The following RASAL2 variants were observed in gnomAD, a reference collection of about 807,000 sequenced individuals.
The protein encoded by RASAL2 is RAS protein activator like 2.
RASAL2 carries 58 observed loss-of-function variants against 128.9 expected under a neutral mutation model. That is an observed-to-expected ratio of 0.45 (90% CI 0.36 to 0.56). The LOEUF is 0.56. Ranked by LOEUF, RASAL2 falls within the 20% of genes least tolerant of loss-of-function variation. The pLI is 0.00. For synonymous variants in RASAL2, 561 were observed against 580.8 expected, an observed-to-expected ratio of 0.97 and a Z score of 0.49; for missense variants, 1,360 against 1,601.6, an observed-to-expected ratio of 0.85 and a Z score of 2.57.
In RASAL2 at chr1:178,217,673, G is replaced by A. The variant is rs540422658; in HGVS notation, c.203-65891G>A. 9.2e-5 allele frequency among the ~76,000 whole-genome samples: 14 copies of A among 152,170 alleles called. No individual in the cohort carries two copies. The East Asian group carries it at 1.4e-3, about 15-fold the overall frequency. On this transcript the variant is annotated intron_variant, in intron 1 of 17. Transcript: ENST00000367649. Reference sequence around the variant, plus strand: ...TACCTGAATTTAAAATTTTTTTATTGCTAAAAACTGCTAATGATCATCTGA... The same window carrying A: ...TACCTGAATTTAAAATTTTTTTATTACTAAAAACTGCTAATGATCATCTGA...
intron 5 of RASAL2, among the ~76,000 whole-genome samples, chr1:178,436,258 A>G (rs575910487): frequency 6.6e-6 from 1 of 152,182 alleles, no homozygotes; most frequent in African/African-American, 2.4e-5. Context: ...TTATTTATTC[A>G]ATAATAATGT....
At chr1:178,174,824 C>G (rs558515735) in intron 1 of RASAL2, among the ~76,000 whole-genome samples, 18 of 152,292 alleles carry the variant, frequency 1.2e-4, no homozygotes, top group African/African-American at 4.1e-4. Flanking sequence ...CTAAATTCAG[C>G]TCTTTCCTGA....
chr1:178,125,611 G>A (rs1343658067), intron 1 of RASAL2: 1 of 152,088 alleles, frequency 6.6e-6, no homozygotes, highest in Non-Finnish European at 1.5e-5. Flanking sequence ...TCTGATAATC[G>A]ATGTGATATT....
chr1:178,228,807 G>GTGA (rs1328771410), intron 1 of RASAL2, among the ~76,000 whole-genome samples: 1 of 151,952 alleles, frequency 6.6e-6, no homozygotes, highest in Non-Finnish European at 1.5e-5. Context: ...TCTTAATAGG[G>GTGA]TGATCTTGAT....
At chr1:178,144,639 G>T (rs529845418) in intron 1 of RASAL2, among the ~76,000 whole-genome samples, 1 of 152,114 alleles carries the variant, frequency 6.6e-6, no homozygotes, top group African/African-American at 2.4e-5. Flanking sequence ...TGGGAATGGG[G>T]TAAAAGAATT....
intron 4 of RASAL2, chr1:178,411,715 A>G (rs1447822058): frequency 3.7e-6 from 3 of 809,720 alleles, no homozygotes; most frequent in Admixed American, 1.7e-5. Context: ...CAAAGAAACC[A>G]TCTGCCGTGT....
intron 4 of RASAL2, among the ~76,000 whole-genome samples, chr1:178,417,765 A>T (rs1208857631): frequency 6.7e-6 from 1 of 149,338 alleles, no homozygotes; most frequent in Non-Finnish European, 1.5e-5. Flanking sequence ...GTCTAAAAAA[A>T]AAAAAAAAAA....
At chr1:178,403,666 C>T (rs573815471) in intron 4 of RASAL2, among the ~76,000 whole-genome samples, 2 of 151,940 alleles carry the variant, frequency 1.3e-5, no homozygotes, top group Admixed American at 6.6e-5. Context: ...ATACCTTACA[C>T]AAGAGTAAAC....
intron 4 of RASAL2, among the ~76,000 whole-genome samples, chr1:178,413,943 A>G (rs1359140464): frequency 6.6e-6 from 1 of 152,140 alleles, no homozygotes. Flanking sequence ...AGGACACCTC[A>G]GTAGAAAGTG....
chr1:178,411,770 C>T, intron 4 of RASAL2: 1 of 788,272 alleles, frequency 1.3e-6, no homozygotes. Context: ...GAATCCTCGC[C>T]ATGTGCTGCT....
chr1:178,402,543 A>G (rs940119760), intron 4 of RASAL2, among the ~76,000 whole-genome samples: 4 of 152,222 alleles, frequency 2.6e-5, no homozygotes, highest in Admixed American at 6.5e-5. Context: ...AAGTAATAAA[A>G]TAAGTCTAAT....
chr1:178,355,746 C>A (rs910208205), intron 3 of RASAL2, among the ~76,000 whole-genome samples: 2 of 152,150 alleles, frequency 1.3e-5, no homozygotes, highest in African/African-American at 4.8e-5. Flanking sequence ...AGCATCCCGA[C>A]AAATTGAGAA....
chr1:178,365,243 T>A (rs1479162684), intron 3 of RASAL2, among the ~76,000 whole-genome samples: 1 of 152,178 alleles, frequency 6.6e-6, no homozygotes, highest in Non-Finnish European at 1.5e-5. Context: ...CATCTTAGTT[T>A]CATTAGTTTC....
chr1:178,363,878 C>T (rs1244694856), intron 3 of RASAL2, among the ~76,000 whole-genome samples: 2 of 151,984 alleles, frequency 1.3e-5, no homozygotes, highest in African/African-American at 4.8e-5. Flanking sequence ...GGGCGGATCA[C>T]GAGGTCAGGA....
chr1:178,291,844 G>C (rs1667292166), intron 2 of RASAL2, among the ~76,000 whole-genome samples: 1 of 152,060 alleles, frequency 6.6e-6, no homozygotes, highest in Non-Finnish European at 1.5e-5. Flanking sequence ...AGACCAGCCT[G>C]ACCAATATGG....
In RASAL2 at chr1:178,094,175, C is replaced by G. The variant is rs1208611910; in HGVS notation, c.-318C>G. 5.4e-6 allele frequency: 2 copies of G among 371,928 alleles called. No homozygotes were observed. The highest frequency in any genetic ancestry group is 9.6e-6 in the Non-Finnish European group (2 of 207,348). The allele number at this position is 371,928 out of a possible 1,614,324, so 23.0% of individuals were successfully genotyped here. Reference sequence around the variant, plus strand: ...GGCTCCGAGGAGGTGGGAGGGCGAGCCTCCCCTCCCGGGTTCTTCTGCGTC... The same window carrying G: ...GGCTCCGAGGAGGTGGGAGGGCGAGGCTCCCCTCCCGGGTTCTTCTGCGTC... On this transcript the variant is annotated 5_prime_UTR_variant, in exon 1 of 18. Transcript: ENST00000367649.
At chr1:178,385,785 C>T (rs1672532208) in intron 3 of RASAL2, among the ~76,000 whole-genome samples, 1 of 152,178 alleles carries the variant, frequency 6.6e-6, no homozygotes, top group Admixed American at 6.5e-5. Context: ...GCACCAATCC[C>T]ACTGGCCTCT....
Position 178,330,619 on chromosome 1 carries a change from A to G in RASAL2, c.457+30501A>G, listed in dbSNP as rs116066993. Among the ~76,000 whole-genome samples the G allele has an allele frequency of 5.1e-3, 775 of 152,266 alleles. 15 individuals carry two copies. Among genetic ancestry groups the G allele is most frequent in the African/African-American group, 0.018 (736 of 41,560 alleles). On this transcript the variant is annotated intron_variant, in intron 3 of 17. Transcript: ENST00000367649. Reference sequence around the variant, plus strand: ...TAACAGATTAAAAATGTTCTCTGGTAAAAGAATTAAACATTTCTGTAAATG... The same window carrying G: ...TAACAGATTAAAAATGTTCTCTGGTGAAAGAATTAAACATTTCTGTAAATG...
At chr1:178,112,175 A>C (rs1659346802) in intron 1 of RASAL2, among the ~76,000 whole-genome samples, 1 of 152,214 alleles carries the variant, frequency 6.6e-6, no homozygotes, top group African/African-American at 2.4e-5. Flanking sequence ...CTTTCAAAGA[A>C]TTAAAATTCT....
Sources: allele counts gnomAD v4.1 joint callset (sites outside exome capture counted in the v4.1 genomes callset), GRCh38; gene constraint gnomAD v4.1.1; transcripts MANE v1.5; gene names NCBI Gene and HGNC (gene_info 2026-07-23, HGNC 2026-07-21).